SDHB: variants seen among roughly 807,000 people sequenced by gnomAD.
SDHB encodes succinate dehydrogenase [ubiquinone] iron-sulfur subunit, mitochondrial.
SDHB carries 21 observed loss-of-function variants against 39.7 expected under a neutral mutation model. The observed-to-expected ratio is 0.53, with a 90% CI of 0.37 to 0.76. SDHB has a LOEUF of 0.76. Ranked by LOEUF, SDHB falls within the 30% of genes least tolerant of loss-of-function variation. The probability of loss-of-function intolerance (pLI) is 0.00; values close to 1 mark genes in which losing one functional copy is unlikely to be tolerated. For missense variants in SDHB, 343 were observed against 350.9 expected, an observed-to-expected ratio of 0.98 and a Z score of 0.18; for synonymous variants, 118 against 117.0, an observed-to-expected ratio of 1.01 and a Z score of -0.06.
intron 3 of SDHB, among the ~76,000 whole-genome samples, chr1:17,029,106 T>C (rs1337065783): frequency 6.3e-5 from 9 of 142,556 alleles, no homozygotes; most frequent in Non-Finnish European, 1.2e-4. Flanking sequence ...TTTTTTTTTT[T>C]TTTTTTTTTT....
intron 4 of SDHB, among the ~76,000 whole-genome samples, chr1:17,028,391 T>C (rs2078003207): frequency 6.6e-6 from 1 of 152,212 alleles, no homozygotes; most frequent in Non-Finnish European, 1.5e-5. Context: ...CCACACTGTC[T>C]CAGATCTGGA....
At chr1:17,038,964 T>C (rs781652889) in intron 2 of SDHB, among the ~76,000 whole-genome samples, 3 of 152,182 alleles carry the variant, frequency 2.0e-5, no homozygotes, top group Non-Finnish European at 4.4e-5. Context: ...GTGAATCACA[T>C]TGATTTTCAA....
At chr1:17,040,687 C>T (rs902361137) in intron 2 of SDHB, among the ~76,000 whole-genome samples, 1 of 152,102 alleles carries the variant, frequency 6.6e-6, no homozygotes, top group African/African-American at 2.4e-5. Context: ...TGGTCTTGGA[C>T]TCTTGGCCTC....
intron 1 of SDHB, among the ~76,000 whole-genome samples, chr1:17,049,304 T>C (rs2078131503): frequency 6.6e-6 from 1 of 152,100 alleles, no homozygotes; most frequent in Non-Finnish European, 1.5e-5. Flanking sequence ...ACTTGGACTT[T>C]TTTTTTTCTT....
intron 7 of SDHB, 38 bp from the exon 8 acceptor site, chr1:17,018,996 C>T: frequency 3.4e-6 from 5 of 1,487,948 alleles, no homozygotes; most frequent in Non-Finnish European, 4.7e-6. Flanking sequence ...CAAATGATAA[C>T]TGAAACTGAA....
At chr1:17,028,842 G>A in intron 3 of SDHB, 106 bp from the exon 4 acceptor site, 1 of 1,306,808 alleles carries the variant, frequency 7.7e-7, no homozygotes, top group South Asian at 1.2e-5. Context: ...GGGCAGCACT[G>A]ACATGCAACA....
chr1:17,034,556 T>C (rs1473151883), intron 2 of SDHB, among the ~76,000 whole-genome samples: 2 of 151,472 alleles, frequency 1.3e-5, no homozygotes, highest in Non-Finnish European at 3.0e-5. Context: ...AATTTTTGTA[T>C]TTTTAGTAGA....
At position 17,042,810 on chromosome 1, in the gene SDHB, CACATTCTCTG is replaced by C. The variant is rs1426800131; in HGVS notation, c.200+1941_200+1950del. 5.9e-5 allele frequency among the ~76,000 whole-genome samples: 9 copies of C among 152,056 alleles called. No homozygotes were observed. The East Asian group carries it at 1.2e-3, about 20-fold the overall frequency. On this transcript the variant is annotated intron_variant, in intron 2 of 7. Coordinates refer to ENST00000375499, the MANE Select transcript of SDHB (RefSeq NM_003000.3). ...GGAATTTAACTCTTCCAGTTTTAGC[CACATTCTCTG>C]ACATTCTCTAAGTTTTGATTTGCAA...
In SDHB at chr1:17,024,060, C is replaced by T. The variant is rs761890806; in HGVS notation, c.555G>A (p.Glu185=). The T allele has an allele frequency of 6.2e-7, 1 of 1,613,376 alleles. No homozygotes were observed. Among genetic ancestry groups the T allele is most frequent in the Admixed American group, 1.7e-5 (1 of 60,012 alleles). The change falls in exon 6 of 8, where the codon GAG becomes GAA. Residue 185 remains glutamate (E), a synonymous_variant. Transcript: ENST00000375499. Reference sequence around the variant, plus strand: ...TGCTACAGCAGGCACAGAGAATGCACTCGTAGAGCCCGTCCTGTATGGGGA... The same window carrying T: ...TGCTACAGCAGGCACAGAGAATGCATTCGTAGAGCCCGTCCTGTATGGGGA... ...EEREKLDGLY[E]CILCACCSTS... is the part of the protein sequence containing the mutation.
At chr1:17,041,534 C>A (rs941141376) in intron 2 of SDHB, among the ~76,000 whole-genome samples, 1 of 151,866 alleles carries the variant, frequency 6.6e-6, no homozygotes, top group African/African-American at 2.4e-5. Flanking sequence ...GTGTGACGCG[C>A]GCCTGTAGTC....
At chr1:17,027,902 A>G in intron 4 of SDHB, 37 bp from the exon 5 acceptor site, 1 of 1,250,392 alleles carries the variant, frequency 8.0e-7, no homozygotes, top group Non-Finnish European at 1.2e-6. Context: ...AAGAAGAAGA[A>G]AAGGATCAGA....
At chr1:17,045,157 G>A in intron 1 of SDHB, 1 of 453,082 alleles carries the variant, frequency 2.2e-6, no homozygotes. Flanking sequence ...GTGAACAAGA[G>A]TTAAATTAAA....
intron 4 of SDHB, 115 bp downstream of exon 4, chr1:17,028,485 G>T: frequency 9.3e-7 from 1 of 1,072,520 alleles, no homozygotes; most frequent in Non-Finnish European, 1.4e-6. Context: ...TATCTGACTA[G>T]AAGAGGAGCC....
At chr1:17,053,555 C>T (rs948764281) in intron 1 of SDHB, among the ~76,000 whole-genome samples, 1 of 152,158 alleles carries the variant, frequency 6.6e-6, no homozygotes, top group Non-Finnish European at 1.5e-5. Context: ...ATCCTTCACA[C>T]CCCGCAGGTC....
chr1:17,028,687 A>C lies in SDHB; in HGVS notation c.336T>G (p.Ala112=). 6.2e-7 allele frequency: 1 copy of C among 1,614,162 alleles called. No homozygotes were observed. The highest frequency in any genetic ancestry group is 1.1e-5 in the South Asian group (1 of 91,088). Reference sequence around the variant, plus strand: ...GGTTGGTGTCAATCCTTCGGGTGCAAGCTAGAGTGTTGCCTCCATTGATGT... The same window carrying C: ...GGTTGGTGTCAATCCTTCGGGTGCACGCTAGAGTGTTGCCTCCATTGATGT... ...AMNINGGNTL[A]CTRRIDTNLN... The change falls in exon 4 of 8, where the codon GCT becomes GCG. Residue 112 remains alanine (A), a synonymous_variant. Coordinates refer to ENST00000375499, the MANE Select transcript of SDHB (RefSeq NM_003000.3).
chr1:17,027,591 C>A, intron 5 of SDHB, 158 bp downstream of exon 5: 1 of 683,328 alleles, frequency 1.5e-6, no homozygotes, highest in Non-Finnish European at 2.7e-6. Flanking sequence ...CACTACTCAC[C>A]CGGCCCTAAG....
chr1:17,035,117 C>T (rs2078043991), intron 2 of SDHB, among the ~76,000 whole-genome samples: 2 of 152,092 alleles, frequency 1.3e-5, no homozygotes, highest in South Asian at 4.1e-4. Flanking sequence ...TCCCTCACTG[C>T]CAATAGTAAT....
intron 2 of SDHB, among the ~76,000 whole-genome samples, chr1:17,035,386 T>C (rs1377416355): frequency 6.6e-6 from 1 of 152,230 alleles, no homozygotes; most frequent in Non-Finnish European, 1.5e-5. Flanking sequence ...TTGCTTCTTA[T>C]TTGTAATACC....
chr1:17,051,481 A>G (rs745343603), intron 1 of SDHB, among the ~76,000 whole-genome samples: 2 of 152,142 alleles, frequency 1.3e-5, no homozygotes, highest in Non-Finnish European at 2.9e-5. Flanking sequence ...AGGTGGGGAA[A>G]TAGAGAGGAA....
Sources: gnomAD v4.1 joint callset for allele counts (sites outside exome capture counted in the v4.1 genomes callset) on GRCh38, gnomAD v4.1.1 for gene constraint, MANE v1.5 for transcripts, NCBI Gene and HGNC (gene_info 2026-07-23, HGNC 2026-07-21) for gene names.